Variants in DAB1 observed in about 807,000 individuals in gnomAD.
DAB1 encodes DAB adaptor protein 1.
DAB1 carries 15 observed loss-of-function variants against 64.6 expected under a neutral mutation model. The observed-to-expected ratio is 0.23, with a 90% CI of 0.16 to 0.36. The LOEUF is 0.36. DAB1 is among the 10% of genes least tolerant of loss of function. The pLI is 1.00. For missense variants in DAB1, 596 were observed against 706.7 expected (o/e 0.84, Z 1.78); for synonymous variants, 235 against 251.9 (o/e 0.93, Z 0.64).
At chr1:57,324,913 A>G (rs1460554152) in intron 1 of DAB1, among the ~76,000 whole-genome samples, 1 of 152,190 alleles carries the variant, frequency 6.6e-6, no homozygotes, top group East Asian at 1.9e-4. Context: ...TAGCTCCGTT[A>G]AGGTTTCAAC....
Position 58,538,762 on chromosome 1 carries a change from T to C in DAB1, n.32+7941A>G, listed in dbSNP as rs188974396. The C allele has an allele frequency of 5.5e-6, 4 of 722,548 alleles. No individual in the cohort carries two copies. The Admixed American group carries it at 1.0e-4, about 19-fold the overall frequency. The allele number at this position is 722,548 out of a possible 1,614,324, so 44.8% of individuals were successfully genotyped here. ...ACAAAATATTAATGCAAAAAGTTAATATAAAAGTTTTTATTCTAAAAAAGC... is the reference window on the plus strand; with the variant it reads ...ACAAAATATTAATGCAAAAAGTTAACATAAAAGTTTTTATTCTAAAAAAGC... On this transcript the variant is annotated intron_variant and non_coding_transcript_variant, in intron 1 of 20. Transcript: ENST00000485760.
intron 4 of DAB1, among the ~76,000 whole-genome samples, chr1:58,172,706 A>T (rs12070386): frequency 0.025 from 3,808 of 152,318 alleles, 146 homozygotes; most frequent in African/African-American, 0.086. Flanking sequence ...GGAGAATGGG[A>T]TACGAAGGGC....
chr1:57,975,834 G>C (rs1269823739), intron 5 of DAB1, among the ~76,000 whole-genome samples: 1 of 152,198 alleles, frequency 6.6e-6, no homozygotes, highest in Admixed American at 6.5e-5. Context: ...GGGACTGACT[G>C]AATAAAAACC....
At chr1:58,218,209 A>C (rs1658958323) in intron 4 of DAB1, among the ~76,000 whole-genome samples, 1 of 152,120 alleles carries the variant, frequency 6.6e-6, no homozygotes, top group Non-Finnish European at 1.5e-5. Context: ...TATGAAGAGG[A>C]TATTCATGCA....
At chr1:58,406,405 G>A (rs1022468449) in intron 3 of DAB1, among the ~76,000 whole-genome samples, 3 of 152,256 alleles carry the variant, frequency 2.0e-5, no homozygotes, top group African/African-American at 4.8e-5. Context: ...TAACAGGGCA[G>A]AAATCCTGTT....
intron 7 of DAB1, among the ~76,000 whole-genome samples, chr1:57,632,323 T>A (rs1645999705): frequency 6.6e-6 from 1 of 152,200 alleles, no homozygotes; most frequent in Non-Finnish European, 1.5e-5. Flanking sequence ...GAAAAATAAA[T>A]CTTTTCTTTA....
chr1:57,622,063 C>A (rs1417453628), intron 7 of DAB1, among the ~76,000 whole-genome samples: 2 of 152,076 alleles, frequency 1.3e-5, no homozygotes, highest in African/African-American at 4.8e-5. Flanking sequence ...TATTTATACT[C>A]GACTATTAAA....
chr1:57,886,004 ATTAGT>A (rs1377718413), upstream of DAB1, among the ~76,000 whole-genome samples: 1 of 152,188 alleles, frequency 6.6e-6, no homozygotes, highest in Non-Finnish European at 1.5e-5. Flanking sequence ...CTTTAATCAA[ATTAGT>A]TTATTTACTT....
chr1:57,548,620 A>T (rs965000424), intron 7 of DAB1, among the ~76,000 whole-genome samples: 6 of 152,188 alleles, frequency 3.9e-5, no homozygotes, highest in African/African-American at 7.2e-5. Context: ...ACTTAACAGT[A>T]TTTTCTCCTG....
intron 4 of DAB1, among the ~76,000 whole-genome samples, chr1:58,176,449 G>T (rs968650642): frequency 1.3e-5 from 2 of 152,166 alleles, no homozygotes; most frequent in African/African-American, 4.8e-5. Flanking sequence ...TCCATTTTGT[G>T]TGACTATAAC....
chr1:57,846,108 A>C (rs1382103320), intron 1 of DAB1, among the ~76,000 whole-genome samples: 1 of 152,146 alleles, frequency 6.6e-6, no homozygotes, highest in Non-Finnish European at 1.5e-5. Flanking sequence ...TAGTGGTCAG[A>C]AATATAAGCT....
chr1:57,402,750 T>C (rs1279463394), intron 1 of DAB1, among the ~76,000 whole-genome samples: 1 of 152,194 alleles, frequency 6.6e-6, no homozygotes, highest in Non-Finnish European at 1.5e-5. Flanking sequence ...AGCTTGCAAG[T>C]ATACTGTCAT....
rs551446807 is a variant in DAB1, at chr1:58,459,452, G to C, written n.257+46608C>G. On this transcript the variant is annotated intron_variant and non_coding_transcript_variant, in intron 3 of 20. Coordinates refer to the DAB1 transcript ENST00000485760. ...TTGGCAGGAGGCCTTGGTTTCTCTT[G>C]GGCTGTTGGTAATCATCCTGGATCT... Among the ~76,000 whole-genome samples, 6 of 152,262 alleles carry C rather than the reference G, an allele frequency of 3.9e-5. No homozygotes were observed. The South Asian group carries it at 1.0e-3, about 26-fold the overall frequency.
intron 5 of DAB1, chr1:58,049,011 A>C: frequency 1.2e-6 from 1 of 801,568 alleles, no homozygotes. Flanking sequence ...GGTCTTTGGG[A>C]ATCTTCTCTT....
intron 6 of DAB1, among the ~76,000 whole-genome samples, chr1:57,666,262 GACGAGGGTGACCATAATGA>G (rs1646446336): frequency 6.6e-6 from 1 of 152,152 alleles, no homozygotes; most frequent in Non-Finnish European, 1.5e-5. Flanking sequence ...GGGAAAAAAG[GACGAGGGTGACCATAATGA>G]ACAGAAAAGA....
chr1:58,074,543 T>TATACAC lies in DAB1; in HGVS notation n.387+75967_387+75968insGTGTAT, dbSNP rs1360215801. ...ATATACATATATATATATATATATATACACACATATATATATGTGTGTATA... is the reference window on the plus strand; with the variant it reads ...ATATACATATATATATATATATATATATACACACACACATATATATATGTGTGTATA... On this transcript the variant is annotated intron_variant and non_coding_transcript_variant, in intron 5 of 20. Coordinates refer to the DAB1 transcript ENST00000485760. The TATACAC allele has an allele frequency of 1.4e-4, 13 of 95,892 alleles. 1 individual carries two copies. Among genetic ancestry groups the TATACAC allele is most frequent in the Admixed American group, 8.0e-4 (6 of 7,484 alleles). The allele number at this position is 95,892 out of a possible 1,614,324, so 5.9% of individuals were successfully genotyped here. A position where few individuals can be genotyped will look rare whatever the true frequency, so the allele number is the denominator to read the frequency against.
At chr1:57,322,226 A>C (rs1570272781) in intron 1 of DAB1, among the ~76,000 whole-genome samples, 1 of 152,268 alleles carries the variant, frequency 6.6e-6, no homozygotes, top group East Asian at 1.9e-4. Flanking sequence ...TGCTCACTAA[A>C]TCCTCAAGTG....
intron 7 of DAB1, among the ~76,000 whole-genome samples, chr1:57,539,452 T>C (rs1156313686): frequency 6.6e-6 from 1 of 152,204 alleles, no homozygotes; most frequent in Admixed American, 6.5e-5. Context: ...AATAATAATA[T>C]ATGATTTCAA....
chr1:57,204,710 G>A (rs1665399984), intron 2 of DAB1, among the ~76,000 whole-genome samples: 1 of 152,172 alleles, frequency 6.6e-6, no homozygotes, highest in Non-Finnish European at 1.5e-5. Flanking sequence ...GTGCTGATTA[G>A]ATTAAAATGT....
Sources: allele counts gnomAD v4.1 joint callset (sites outside exome capture counted in the v4.1 genomes callset), GRCh38; gene constraint gnomAD v4.1.1; transcripts MANE v1.5; gene names NCBI Gene and HGNC (gene_info 2026-07-23, HGNC 2026-07-21).